The following MICAL2 variants were observed in gnomAD, a reference collection of about 807,000 sequenced individuals.
MICAL2 encodes the protein microtubule associated monooxygenase, calponin and LIM domain containing 2.
In MICAL2, 77 loss-of-function variants were observed where a neutral mutation model predicts 127.3. The ratio of observed to expected loss-of-function variants is 0.60; its 90% CI spans 0.50 to 0.73. The LOEUF is 0.73. Ranked by LOEUF, MICAL2 falls within the 30% of genes least tolerant of loss-of-function variation. The pLI is 0.00. For synonymous variants in MICAL2, 570 were observed against 551.1 expected, an observed-to-expected ratio of 1.03 and a Z score of -0.48; for missense variants, 1,351 against 1,434.4, an observed-to-expected ratio of 0.94 and a Z score of 0.94.
At chr11:12,201,043 T>C (rs768911405) in intron 3 of MICAL2, among the ~76,000 whole-genome samples, 20 of 152,198 alleles carry the variant, frequency 1.3e-4, no homozygotes, top group Non-Finnish European at 2.5e-4. Context: ...AGTCGTGCTT[T>C]GAAATGACTG....
chr11:12,199,387 C>T (rs1291411413), intron 3 of MICAL2, among the ~76,000 whole-genome samples: 1 of 152,122 alleles, frequency 6.6e-6, no homozygotes, highest in African/African-American at 2.4e-5. Flanking sequence ...AACGCCACAC[C>T]CTGGTCAAGT....
intron 29 of MICAL2, among the ~76,000 whole-genome samples, chr11:12,299,229 T>C (rs1365546171): frequency 6.6e-6 from 1 of 152,194 alleles, no homozygotes; most frequent in Admixed American, 6.6e-5. Flanking sequence ...ATCCTAAGAA[T>C]GTAAAGATTT....
intron 3 of MICAL2, among the ~76,000 whole-genome samples, chr11:12,203,216 T>C (rs558087940): frequency 1.3e-5 from 2 of 152,352 alleles, no homozygotes; most frequent in Non-Finnish European, 2.9e-5. Context: ...GACGCCGCCA[T>C]GAACATTCAC....
At chr11:12,189,933 G>A (rs1449717298) in intron 3 of MICAL2, among the ~76,000 whole-genome samples, 1 of 152,234 alleles carries the variant, frequency 6.6e-6, no homozygotes, top group African/African-American at 2.4e-5. Context: ...CAGGTTGTGG[G>A]CATCTATCAT....
intron 29 of MICAL2, among the ~76,000 whole-genome samples, chr11:12,303,955 C>T (rs1466585173): frequency 6.6e-6 from 1 of 152,016 alleles, no homozygotes; most frequent in Non-Finnish European, 1.5e-5. Context: ...CACTTAAGAC[C>T]AGGAGGTCGA....
In MICAL2 at chr11:12,304,503, C is replaced by T. The variant is rs748770260; in HGVS notation, c.5212+9646C>T. On this transcript the variant is annotated intron_variant, in intron 29 of 34. Coordinates refer to the MICAL2 transcript ENST00000646065. ...AAAAAAAATTAGCCGGGCGTGGTGG[C>T]GCATGCCTGTAATCCCAGCTACTTG... Among the ~76,000 whole-genome samples, 55 of 152,004 alleles carry T rather than the reference C, an allele frequency of 3.6e-4. 1 individual carries two copies. Among genetic ancestry groups the T allele is most frequent in the South Asian group, 2.9e-3 (14 of 4,818 alleles).
intron 32 of MICAL2, among the ~76,000 whole-genome samples, chr11:12,342,563 A>G (rs964840750): frequency 6.6e-6 from 1 of 152,214 alleles, no homozygotes; most frequent in Non-Finnish European, 1.5e-5. Context: ...CGTTGGAAGA[A>G]ATGGCAAGGT....
chr11:12,336,982 A>G (rs1306364195), intron 32 of MICAL2, among the ~76,000 whole-genome samples: 1 of 152,216 alleles, frequency 6.6e-6, no homozygotes, highest in Non-Finnish European at 1.5e-5. Context: ...TGAGTTAGGA[A>G]GGATTCCTTC....
In MICAL2 at chr11:12,243,877, C is replaced by T. The variant is rs1047193887; in HGVS notation, c.2659-110C>T. On this transcript the variant is annotated intron_variant, in intron 20 of 27. Transcript: ENST00000683283. ...TGTGTTGTCCTGAGACATGGGTCTC[C>T]TTTCTTTGCCTTCTTGAGTGCACAG... is the stretch of plus-strand genomic sequence containing the variant. 11 of 1,361,102 alleles carry T rather than the reference C, an allele frequency of 8.1e-6. No homozygotes were observed. In the African/African-American group the frequency reaches 1.6e-4, roughly 20 times the overall value. The allele number at this position is 1,361,102 out of a possible 1,614,324, so 84.3% of individuals were successfully genotyped here. A position where few individuals can be genotyped will look rare whatever the true frequency, so the allele number is the denominator to read the frequency against.
chr11:12,338,926 A>G (rs1938813307), intron 32 of MICAL2, among the ~76,000 whole-genome samples: 1 of 151,962 alleles, frequency 6.6e-6, no homozygotes, highest in African/African-American at 2.4e-5. Flanking sequence ...TCTGACAATT[A>G]TGTGTCTTGG....
chr11:12,292,173 C>T, downstream of MICAL2: 1 of 1,613,996 alleles, frequency 6.2e-7, no homozygotes, highest in East Asian at 2.2e-5. Context: ...AGAACTATGT[C>T]ACCTCCTAAG....
At chr11:12,284,746 T>C (rs572810039) in intron 2 of MICAL2, among the ~76,000 whole-genome samples, 52 of 152,204 alleles carry the variant, frequency 3.4e-4, no homozygotes, top group African/African-American at 1.1e-3. Context: ...CAGCCAGCAA[T>C]TGGGGGGTGG....
downstream of MICAL2, among the ~76,000 whole-genome samples, chr11:12,268,189 G>A (rs868232397): frequency 6.6e-6 from 1 of 152,250 alleles, no homozygotes; most frequent in African/African-American, 2.4e-5. Flanking sequence ...CTGACATTGT[G>A]TGTCCTGGCT....
chr11:12,339,719 C>T (rs550004742), intron 32 of MICAL2, among the ~76,000 whole-genome samples: 1 of 152,198 alleles, frequency 6.6e-6, no homozygotes, highest in Non-Finnish European at 1.5e-5. Context: ...CCACTCCAGA[C>T]CCATTTGCCT....
chr11:12,294,192 C>T (rs755371071), downstream of MICAL2: 41 of 1,613,950 alleles, frequency 2.5e-5, no homozygotes, highest in Middle Eastern at 1.6e-4. Context: ...GGGACCCCTG[C>T]GGAACAAGCT....
chr11:12,229,732 T>G (rs912128940), intron 15 of MICAL2, among the ~76,000 whole-genome samples: 1 of 152,236 alleles, frequency 6.6e-6, no homozygotes, highest in Non-Finnish European at 1.5e-5. Flanking sequence ...TCCCAAGGGC[T>G]GAGGGCCTCA....
chr11:12,218,826 T>G (rs1219880852), intron 8 of MICAL2, among the ~76,000 whole-genome samples: 1 of 152,174 alleles, frequency 6.6e-6, no homozygotes, highest in Non-Finnish European at 1.5e-5. Context: ...TGGCTGTAAA[T>G]GCGGCACTCT....
intron 2 of MICAL2, among the ~76,000 whole-genome samples, chr11:12,157,198 A>T (rs1281446882): frequency 1.3e-5 from 2 of 152,182 alleles, no homozygotes; most frequent in African/African-American, 4.8e-5. Flanking sequence ...CTGATATGCC[A>T]TTTGGGAGAA....
chr11:12,201,175 G>C (rs924970413), intron 3 of MICAL2, among the ~76,000 whole-genome samples: 1 of 152,022 alleles, frequency 6.6e-6, no homozygotes, highest in African/African-American at 2.4e-5. Flanking sequence ...GAAGCACGTG[G>C]GCTTGCACAC....
Sources: allele counts gnomAD v4.1 joint callset (sites outside exome capture counted in the v4.1 genomes callset), GRCh38; gene constraint gnomAD v4.1.1; transcripts MANE v1.5; gene names NCBI Gene and HGNC (gene_info 2026-07-23, HGNC 2026-07-21).